The following CLSTN2 variants were observed in gnomAD, a reference collection of about 807,000 sequenced individuals.
The protein encoded by CLSTN2 is calsyntenin-2.
CLSTN2 carries 48 observed loss-of-function variants against 101.2 expected under a neutral mutation model. The observed-to-expected ratio is 0.47, with a 90% CI of 0.38 to 0.60. CLSTN2 has a LOEUF of 0.60. Among genes scored for constraint, CLSTN2 ranks in the 20% least tolerant of loss-of-function variants. CLSTN2 has a pLI of 0.00. For missense variants in CLSTN2, 1,160 were observed against 1,238.2 expected, an observed-to-expected ratio of 0.94 and a Z score of 0.95; for synonymous variants, 481 against 463.6, an observed-to-expected ratio of 1.04 and a Z score of -0.48.
At chr3:140,300,897 G>A (rs1218390725) in intron 2 of CLSTN2, among the ~76,000 whole-genome samples, 1 of 152,112 alleles carries the variant, frequency 6.6e-6, no homozygotes, top group African/African-American at 2.4e-5. Flanking sequence ...CTGTCTGCAA[G>A]CTGGAGACCC....
chr3:140,193,857 A>T (rs1300235157), intron 2 of CLSTN2, among the ~76,000 whole-genome samples: 1 of 152,068 alleles, frequency 6.6e-6, no homozygotes, highest in Non-Finnish European at 1.5e-5. Context: ...TAATTGAGTT[A>T]TTCCTATTTT....
intron 12 of CLSTN2, among the ~76,000 whole-genome samples, chr3:140,561,711 A>G (rs1345952881): frequency 1.3e-5 from 2 of 152,196 alleles, no homozygotes; most frequent in South Asian, 2.1e-4. Context: ...CTATGAGAGC[A>G]TGGTGGAAGG....
intron 1 of CLSTN2, among the ~76,000 whole-genome samples, chr3:140,000,178 C>A (rs1027363499): frequency 1.1e-4 from 16 of 152,120 alleles, no homozygotes; most frequent in Admixed American, 1.0e-3. Flanking sequence ...TCAGAGGCTA[C>A]AGTTTGAATT....
intron 5 of CLSTN2, among the ~76,000 whole-genome samples, chr3:140,445,707 G>C (rs1255961497): frequency 6.6e-6 from 1 of 152,172 alleles, no homozygotes; most frequent in Non-Finnish European, 1.5e-5. Flanking sequence ...CATGGATTCT[G>C]TCTGCAGCTC....
At position 140,558,712 on chromosome 3, in the gene CLSTN2, G is replaced by A. The variant is rs1935850879; in HGVS notation, c.1896G>A (p.Glu632=). The A allele has an allele frequency of 6.2e-7, 1 of 1,614,074 alleles. No individual in the cohort carries two copies. The highest frequency in any genetic ancestry group is 2.2e-5 in the East Asian group (1 of 44,876). ...ATGTGATGGTCCTCCAGGCCATCGA[G>A]CCCCGGATCACCCTCCGGGGCACAG... is the stretch of plus-strand genomic sequence containing the variant. The part of the protein sequence containing the change: ...DAYVMVLQAI[E]PRITLRGTDH... Residue 632 remains glutamate (E), a synonymous_variant, in exon 12 of 17, where the codon GAG becomes GAA. Coordinates refer to ENST00000458420, the MANE Select transcript of CLSTN2 (RefSeq NM_022131.3).
intron 8 of CLSTN2, among the ~76,000 whole-genome samples, chr3:140,511,062 G>C (rs1277669194): frequency 6.6e-6 from 1 of 152,180 alleles, no homozygotes; most frequent in Non-Finnish European, 1.5e-5. Flanking sequence ...CCCACCATGT[G>C]TGTCTATGTG....
chr3:140,485,439 G>A (rs1290963522), intron 8 of CLSTN2, among the ~76,000 whole-genome samples: 1 of 152,212 alleles, frequency 6.6e-6, no homozygotes, highest in Admixed American at 6.5e-5. Flanking sequence ...TCTGTTCTCA[G>A]ATCTCAAGCT....
intron 1 of CLSTN2, among the ~76,000 whole-genome samples, chr3:139,944,119 A>G (rs1935180964): frequency 6.6e-6 from 1 of 152,108 alleles, no homozygotes; most frequent in African/African-American, 2.4e-5. Flanking sequence ...ATAGATATTA[A>G]CTCATTCAGC....
At chr3:140,070,263 G>A (rs1576416465) in intron 1 of CLSTN2, among the ~76,000 whole-genome samples, 1 of 152,192 alleles carries the variant, frequency 6.6e-6, no homozygotes, top group Non-Finnish European at 1.5e-5. Context: ...GAAAGACGTA[G>A]ACTCTCTTCC....
intron 2 of CLSTN2, among the ~76,000 whole-genome samples, chr3:140,218,520 G>A (rs55640709): frequency 0.03 from 4,554 of 152,188 alleles, 108 homozygotes; most frequent in South Asian, 0.069. Context: ...GGCTTTATTG[G>A]AATGTTGTGA....
At chr3:140,442,067 A>G (rs1399455255) in intron 5 of CLSTN2, among the ~76,000 whole-genome samples, 1 of 152,124 alleles carries the variant, frequency 6.6e-6, no homozygotes, top group Non-Finnish European at 1.5e-5. Flanking sequence ...TCATTCTGCA[A>G]TGCTATATTA....
chr3:140,514,945 A>T (rs1481180409), intron 8 of CLSTN2, among the ~76,000 whole-genome samples: 2 of 152,142 alleles, frequency 1.3e-5, no homozygotes, highest in African/African-American at 4.8e-5. Context: ...TTTCAGGATG[A>T]TTAGTATTAA....
Position 140,448,596 on chromosome 3 carries a change from G to A in CLSTN2, c.865G>A (p.Asp289Asn), listed in dbSNP as rs147617850. The change falls in exon 6 of 17, where the codon GAT becomes AAT. Residue 289 changes from aspartate to asparagine, a missense_variant. Transcript: ENST00000458420. ...CCCCAGCATCCACCTGGAGACGTGC[G>A]ATGGAGCCGTGTCTTCCCTCCAGAT... ...LFPSIHLETC[D>N]GAVSSLQIVT... 1.2e-4 allele frequency: 193 copies of A among 1,614,112 alleles called. No individual in the cohort carries two copies. The highest frequency in any genetic ancestry group is 1.9e-4 in the South Asian group (17 of 91,062).
chr3:140,015,985 A>G (rs1408085988), intron 1 of CLSTN2, among the ~76,000 whole-genome samples: 3 of 152,256 alleles, frequency 2.0e-5, no homozygotes, highest in Non-Finnish European at 4.4e-5. Flanking sequence ...TGAGAAAGCC[A>G]TGTCACTGCC....
intron 5 of CLSTN2, among the ~76,000 whole-genome samples, chr3:140,442,216 A>G (rs1047929303): frequency 4.0e-5 from 6 of 151,508 alleles, no homozygotes; most frequent in African/African-American, 1.2e-4. Flanking sequence ...TTTCATATGC[A>G]CTCCAACCAA....
intron 1 of CLSTN2, among the ~76,000 whole-genome samples, chr3:139,992,932 G>T (rs982656486): frequency 6.6e-6 from 1 of 152,198 alleles, no homozygotes; most frequent in African/African-American, 2.4e-5. Flanking sequence ...CACACTTTGA[G>T]TTCCTTTCTT....
chr3:140,429,983 C>T (rs1421543422), intron 5 of CLSTN2, among the ~76,000 whole-genome samples: 1 of 152,148 alleles, frequency 6.6e-6, no homozygotes, highest in African/African-American at 2.4e-5. Context: ...ACCCAGTCCC[C>T]AGGGGTCAGC....
intron 8 of CLSTN2, among the ~76,000 whole-genome samples, chr3:140,504,098 G>A (rs535709394): frequency 3.9e-5 from 6 of 152,300 alleles, no homozygotes; most frequent in African/African-American, 1.4e-4. Flanking sequence ...CAGATCACTA[G>A]AGAGGGAGCC....
At chr3:140,469,600 A>T (rs543415657) in intron 8 of CLSTN2, among the ~76,000 whole-genome samples, 1 of 152,042 alleles carries the variant, frequency 6.6e-6, no homozygotes, top group South Asian at 2.1e-4. Flanking sequence ...TCCAGGCAGA[A>T]CTCCATCCCC....
Sources: allele counts gnomAD v4.1 joint callset (sites outside exome capture counted in the v4.1 genomes callset), GRCh38; gene constraint gnomAD v4.1.1; transcripts MANE v1.5; gene names NCBI Gene and HGNC (gene_info 2026-07-23, HGNC 2026-07-21).